The following SGCZ variants were observed in gnomAD, a reference collection of about 807,000 sequenced individuals.
The protein encoded by SGCZ is sarcoglycan zeta.
In SGCZ, 40 loss-of-function variants were observed where a neutral mutation model predicts 41.3. The ratio of observed to expected loss-of-function variants is 0.97; its 90% CI spans 0.75 to 1.26. SGCZ has a LOEUF of 1.26. Ranked by LOEUF, SGCZ falls within the 50% of genes most tolerant of loss-of-function variation. The pLI, the probability that SGCZ is intolerant of heterozygous loss-of-function variation, is 0.00. For missense variants in SGCZ, 552 were observed against 369.8 expected, an observed-to-expected ratio of 1.49 and a Z score of -4.04; for synonymous variants, 206 against 137.5, an observed-to-expected ratio of 1.50 and a Z score of -3.49.
At chr8:14,976,072 T>C (rs1267691403) in intron 1 of SGCZ, among the ~76,000 whole-genome samples, 1 of 150,612 alleles carries the variant, frequency 6.6e-6, no homozygotes, top group African/African-American at 2.4e-5. Flanking sequence ...GCTCAAGCTG[T>C]AGTGCAGTGG....
intron 1 of SGCZ, among the ~76,000 whole-genome samples, chr8:14,649,717 G>A (rs913612061): frequency 1.3e-5 from 2 of 152,048 alleles, no homozygotes; most frequent in Non-Finnish European, 2.9e-5. Context: ...ATGACAATCA[G>A]TAACCTGTCT....
intron 4 of SGCZ, among the ~76,000 whole-genome samples, chr8:14,173,660 A>G (rs1804457077): frequency 6.6e-6 from 1 of 152,172 alleles, no homozygotes. Context: ...TAAAAAGCCA[A>G]TACTGGAGAT....
rs531333969 is a variant in SGCZ at position 14,390,762 on chromosome 8, T to G, written c.235-66558A>C. On this transcript the variant is annotated intron_variant, in intron 2 of 7. Coordinates refer to ENST00000382080, the MANE Select transcript of SGCZ (RefSeq NM_139167.4). ...TAAGTATGCATAATTTTTCACAATT[T>G]CATTGGCAGTATATTAGCAAAATAT... 1.9e-3 allele frequency among the ~76,000 whole-genome samples: 288 copies of G among 152,156 alleles called. 3 individuals carry two copies. Among genetic ancestry groups the G allele is most frequent in the African/African-American group, 6.5e-3 (270 of 41,562 alleles).
At chr8:14,466,096 C>G (rs541082088) in intron 2 of SGCZ, among the ~76,000 whole-genome samples, 1 of 151,954 alleles carries the variant, frequency 6.6e-6, no homozygotes, top group South Asian at 2.1e-4. Flanking sequence ...GTCCAGTTTT[C>G]TTTTATTCCA....
chr8:14,398,926 C>A (rs1798994893), intron 2 of SGCZ, among the ~76,000 whole-genome samples: 1 of 152,064 alleles, frequency 6.6e-6, no homozygotes. Context: ...GGCTTGCATT[C>A]TTCCGTTACA....
At chr8:15,202,756 T>C (rs565700254) in intron 1 of SGCZ, among the ~76,000 whole-genome samples, 6 of 152,300 alleles carry the variant, frequency 3.9e-5, no homozygotes, top group South Asian at 4.1e-4. Context: ...CAATACCTTT[T>C]AGAAATGAGA....
At chr8:14,959,722 T>C (rs908331157) in intron 1 of SGCZ, among the ~76,000 whole-genome samples, 2 of 152,182 alleles carry the variant, frequency 1.3e-5, no homozygotes, top group Admixed American at 6.6e-5. Flanking sequence ...TTAAAGATTC[T>C]CTGTAATCGT....
At position 15,186,262 on chromosome 8, in the gene SGCZ, CAAAAAAAAAAAAAAAAAAA is replaced by C. The variant is rs61237091; in HGVS notation, c.39+51304_39+51322del. On this transcript the variant is annotated intron_variant, in intron 1 of 7. Transcript: ENST00000382080. Reference sequence around the variant, plus strand: ...GGGCAACAGAGGGAAGATTCCGTACCAAAAAAAAAAAAAAAAAAAAAAAAAAAAAAAAAAAAAAGTTAAT... The same window carrying C: ...GGGCAACAGAGGGAAGATTCCGTACCAAAAAAAAAAAAAAAAAAAGTTAAT... Among the ~76,000 whole-genome samples, 673 of 80,704 alleles carry C rather than the reference CAAAAAAAAAAAAAAAAAAA, an allele frequency of 8.3e-3. 16 individuals are homozygous for C. Among genetic ancestry groups the C allele is most frequent in the African/African-American group, 0.038 (591 of 15,434 alleles). The allele number at this position is 80,704 out of a possible 152,430, so 52.9% of individuals were successfully genotyped here. A position where few individuals can be genotyped will look rare whatever the true frequency, so the allele number is the denominator to read the frequency against.
chr8:14,432,257 T>C (rs1051556388), intron 2 of SGCZ, among the ~76,000 whole-genome samples: 1 of 152,056 alleles, frequency 6.6e-6, no homozygotes, highest in African/African-American at 2.4e-5. Flanking sequence ...CAATTCGCAA[T>C]TGCAAAAATG....
At chr8:15,040,703 G>C (rs942393848) in intron 1 of SGCZ, among the ~76,000 whole-genome samples, 1 of 152,126 alleles carries the variant, frequency 6.6e-6, no homozygotes, top group Non-Finnish European at 1.5e-5. Context: ...TTGAAATACT[G>C]CGCATTATTA....
At chr8:14,989,157 G>A (rs997560209) in intron 1 of SGCZ, among the ~76,000 whole-genome samples, 3 of 152,132 alleles carry the variant, frequency 2.0e-5, no homozygotes, top group African/African-American at 4.8e-5. Flanking sequence ...AGAAGGGTCT[G>A]TGGACTACTT....
At chr8:14,772,576 C>A (rs1432678846) in intron 1 of SGCZ, among the ~76,000 whole-genome samples, 1 of 110,394 alleles carries the variant, frequency 9.1e-6, no homozygotes, top group Non-Finnish European at 1.8e-5. Flanking sequence ...TCTCCCTCCC[C>A]CCTCCCCCCA....
chr8:14,853,987 A>G (rs1372058682), intron 1 of SGCZ, among the ~76,000 whole-genome samples: 1 of 141,452 alleles, frequency 7.1e-6, no homozygotes, highest in Non-Finnish European at 1.5e-5. Context: ...TAAGTCATTC[A>G]TTTTGTAACG....
intron 1 of SGCZ, among the ~76,000 whole-genome samples, chr8:14,739,631 T>A (rs1035454630): frequency 6.6e-6 from 1 of 152,076 alleles, no homozygotes. Flanking sequence ...TTTGTATTAG[T>A]CTTCCTTTTA....
At chr8:14,091,916 A>T (rs185665391) in intron 7 of SGCZ, among the ~76,000 whole-genome samples, 131 of 152,094 alleles carry the variant, frequency 8.6e-4, no homozygotes, top group Admixed American at 5.0e-3. Context: ...GGCATTGCCT[A>T]AGTAAGTTTT....
chr8:14,304,069 T>C (rs1296712914), intron 3 of SGCZ, among the ~76,000 whole-genome samples: 1 of 152,028 alleles, frequency 6.6e-6, no homozygotes, highest in African/African-American at 2.4e-5. Flanking sequence ...TATTTTTTAA[T>C]AATGGCTTTA....
chr8:14,269,608 C>G (rs1435079697), intron 3 of SGCZ, among the ~76,000 whole-genome samples: 1 of 152,044 alleles, frequency 6.6e-6, no homozygotes, highest in Non-Finnish European at 1.5e-5. Flanking sequence ...ACCCAGATTG[C>G]CTTTGGGTCA....
chr8:14,553,064 C>G (rs1803921587), intron 2 of SGCZ, among the ~76,000 whole-genome samples: 1 of 151,864 alleles, frequency 6.6e-6, no homozygotes, highest in African/African-American at 2.4e-5. Context: ...AACTGATAGT[C>G]TGGTTGCTAT....
chr8:14,300,340 G>A (rs1322660170), intron 3 of SGCZ, among the ~76,000 whole-genome samples: 1 of 151,588 alleles, frequency 6.6e-6, no homozygotes, highest in Non-Finnish European at 1.5e-5. Context: ...AGACACGGAG[G>A]AAGAAAGCGG....
Sources: gnomAD v4.1 joint callset for allele counts (sites outside exome capture counted in the v4.1 genomes callset) on GRCh38, gnomAD v4.1.1 for gene constraint, MANE v1.5 for transcripts, NCBI Gene and HGNC (gene_info 2026-07-23, HGNC 2026-07-21) for gene names.